Variants in COL28A1 observed in about 807,000 individuals in gnomAD.
The protein encoded by COL28A1 is collagen type XXVIII alpha 1 chain.
COL28A1 carries 161 observed loss-of-function variants against 150.2 expected under a neutral mutation model. The observed-to-expected ratio is 1.07, with a 90% CI of 0.94 to 1.22. The LOEUF (loss-of-function observed/expected upper bound fraction) is 1.22. Among genes scored for constraint, COL28A1 ranks in the 50% most tolerant of loss-of-function variants. COL28A1 has a pLI of 0.00. For synonymous variants in COL28A1, 552 were observed against 469.7 expected, an observed-to-expected ratio of 1.18 and a Z score of -2.26; for missense variants, 1,617 against 1,388.3, an observed-to-expected ratio of 1.16 and a Z score of -2.62.
intron 33 of COL28A1, among the ~76,000 whole-genome samples, chr7:7,365,182 G>A (rs1198829319): frequency 6.6e-6 from 1 of 152,226 alleles, no homozygotes; most frequent in Non-Finnish European, 1.5e-5. Context: ...AAGCAAGAGT[G>A]AATGAACAAA....
At chr7:7,476,953 C>T (rs1218426818) in intron 14 of COL28A1, among the ~76,000 whole-genome samples, 159 bp downstream of exon 14, 3 of 152,140 alleles carry the variant, frequency 2.0e-5, no homozygotes, top group South Asian at 4.1e-4. Flanking sequence ...ACTGTATTTT[C>T]GCATTACAGG....
intron 33 of COL28A1, among the ~76,000 whole-genome samples, chr7:7,364,685 C>T (rs1436475948): frequency 1.3e-5 from 2 of 152,126 alleles, no homozygotes; most frequent in Non-Finnish European, 2.9e-5. Flanking sequence ...ATTTACAAGG[C>T]CTTACCTAGC....
chr7:7,363,780 C>A (rs1780794371), intron 33 of COL28A1, among the ~76,000 whole-genome samples: 1 of 151,954 alleles, frequency 6.6e-6, no homozygotes, highest in South Asian at 2.1e-4. Flanking sequence ...ATATATTTCA[C>A]CATGACTCTA....
At chr7:7,418,321 A>C (rs938600802) in intron 26 of COL28A1, among the ~76,000 whole-genome samples, 1 of 152,158 alleles carries the variant, frequency 6.6e-6, no homozygotes, top group Non-Finnish European at 1.5e-5. Flanking sequence ...GCTCCATTTC[A>C]ATATAAGGTG....
rs1354512188 is a variant in COL28A1, at chr7:7,507,168, A to G, written c.928-7T>C. 1.5e-5 allele frequency: 17 copies of G among 1,148,576 alleles called. No individual in the cohort carries two copies. Among genetic ancestry groups the G allele is most frequent in the Non-Finnish European group, 2.0e-5 (15 of 759,434 alleles). 71.1% of individuals were successfully genotyped at this position (1,148,576 alleles called of 1,614,324 possible). A position where few individuals can be genotyped will look rare whatever the true frequency, so the allele number is the denominator to read the frequency against. ...CATATGGCCCTGGGGATCCCTGTGG[A>G]ATAAAATTGAAAATAAGTCTCTCTA... On this transcript the variant is annotated splice_polypyrimidine_tract_variant and splice_region_variant and intron_variant, in intron 9 of 34. Transcript: ENST00000399429.
chr7:7,386,857 C>T (rs560248047), intron 27 of COL28A1, among the ~76,000 whole-genome samples: 220 of 152,294 alleles, frequency 1.4e-3, no homozygotes, highest in African/African-American at 4.9e-3. Flanking sequence ...TTATAAACAA[C>T]AGCAGATTAT....
the COL28A1 span, among the ~76,000 whole-genome samples, chr7:7,543,416 TA>T: frequency 6.6e-6 from 1 of 152,242 alleles, no homozygotes; most frequent in Non-Finnish European, 1.5e-5. Flanking sequence ...CTGTTACAGA[TA>T]AAATACACTT....
intron 21 of COL28A1, among the ~76,000 whole-genome samples, chr7:7,438,317 G>C (rs1038887946): frequency 2.6e-5 from 4 of 151,970 alleles, no homozygotes; most frequent in African/African-American, 9.7e-5. Context: ...AACATTTAGT[G>C]GGGGAGATGT....
chr7:7,412,873 A>C (rs915787923), intron 27 of COL28A1, among the ~76,000 whole-genome samples: 9 of 152,252 alleles, frequency 5.9e-5, no homozygotes, highest in African/African-American at 2.2e-4. Flanking sequence ...GAGATTCAAC[A>C]AAGATAAATG....
chr7:7,407,095 A>G (rs1783531533), intron 27 of COL28A1, among the ~76,000 whole-genome samples: 1 of 152,200 alleles, frequency 6.6e-6, no homozygotes, highest in East Asian at 1.9e-4. Context: ...GATTTAATGA[A>G]CTGGAAAATA....
intron 27 of COL28A1, among the ~76,000 whole-genome samples, chr7:7,383,644 C>A (rs1047187484): frequency 3.1e-4 from 43 of 139,908 alleles, no homozygotes; most frequent in African/African-American, 1.0e-3. Flanking sequence ...TTAAAAAAAC[C>A]TCAATATTAT....
intron 11 of COL28A1, among the ~76,000 whole-genome samples, chr7:7,503,273 C>A (rs944808990): frequency 6.6e-6 from 1 of 151,620 alleles, no homozygotes. Context: ...CTCTTTGTGC[C>A]TTAGTAGACT....
chr7:7,442,622 C>A (rs939206633), intron 20 of COL28A1, among the ~76,000 whole-genome samples: 1 of 152,128 alleles, frequency 6.6e-6, no homozygotes, highest in South Asian at 2.1e-4. Context: ...GTTCACAAGA[C>A]ATCAATTACT....
chr7:7,365,805 A>G (rs2128280613), intron 33 of COL28A1, among the ~76,000 whole-genome samples: 1 of 152,284 alleles, frequency 6.6e-6, no homozygotes, highest in Non-Finnish European at 1.5e-5. Flanking sequence ...TGGGCTCCAC[A>G]GCCAGCATCT....
chr7:7,396,024 C>T (rs1328473718), intron 27 of COL28A1, among the ~76,000 whole-genome samples: 1 of 152,182 alleles, frequency 6.6e-6, no homozygotes, highest in Non-Finnish European at 1.5e-5. Context: ...CTGGAATCCA[C>T]GAACTACCTT....
At chr7:7,491,574 AAAT>A (rs1245090046) in intron 11 of COL28A1, among the ~76,000 whole-genome samples, 2 of 152,376 alleles carry the variant, frequency 1.3e-5, no homozygotes, top group Non-Finnish European at 2.9e-5. Context: ...GAGCATTTTG[AAAT>A]AATAATAGCC....
At chr7:7,386,763 G>C (rs1169920903) in intron 27 of COL28A1, among the ~76,000 whole-genome samples, 1 of 152,142 alleles carries the variant, frequency 6.6e-6, no homozygotes, top group Non-Finnish European at 1.5e-5. Flanking sequence ...TTCCCTTGTG[G>C]TGCTAGCCTG....
At chr7:7,464,152 A>G (rs764122739) in intron 15 of COL28A1, among the ~76,000 whole-genome samples, 1 of 152,188 alleles carries the variant, frequency 6.6e-6, no homozygotes. Flanking sequence ...GGAGCTCCCT[A>G]ATTTATAAAA....
intron 21 of COL28A1, 100 bp downstream of exon 21, chr7:7,440,690 G>C: frequency 1.7e-6 from 1 of 574,746 alleles, no homozygotes; most frequent in Non-Finnish European, 3.2e-6. Context: ...TTGTTGGGAA[G>C]GAAACAAGGA....
Sources: gnomAD v4.1 joint callset for allele counts (sites outside exome capture counted in the v4.1 genomes callset) on GRCh38, gnomAD v4.1.1 for gene constraint, MANE v1.5 for transcripts, NCBI Gene and HGNC (gene_info 2026-07-23, HGNC 2026-07-21) for gene names.